Variants in RBMS3 observed in about 807,000 individuals in gnomAD.
RBMS3 encodes the protein RNA binding motif single stranded interacting protein 3.
RBMS3 carries 27 observed loss-of-function variants against 66.8 expected under a neutral mutation model. The ratio of observed to expected loss-of-function variants is 0.40; its 90% CI spans 0.30 to 0.56. RBMS3 has a LOEUF of 0.56. Ranked by LOEUF, RBMS3 falls within the 20% of genes least tolerant of loss-of-function variation. The pLI, the probability that RBMS3 is intolerant of heterozygous loss-of-function variation, is 0.40. For synonymous variants in RBMS3, 188 were observed against 183.0 expected (o/e 1.03, Z -0.22); for missense variants, 513 against 549.5 (o/e 0.93, Z 0.66).
At chr3:29,892,770 A>C (rs908559748) in intron 8 of RBMS3, among the ~76,000 whole-genome samples, 1 of 151,254 alleles carries the variant, frequency 6.6e-6, no homozygotes, top group African/African-American at 2.4e-5. Context: ...TCTGCCTAGA[A>C]AGTTCCCCAG....
intron 6 of RBMS3, among the ~76,000 whole-genome samples, chr3:29,858,934 G>C (rs1354899003): frequency 2.0e-5 from 3 of 152,110 alleles, no homozygotes; most frequent in Non-Finnish European, 4.4e-5. Flanking sequence ...GCTGTTCTCT[G>C]CTTTTATCGT....
intron 3 of RBMS3, among the ~76,000 whole-genome samples, chr3:29,517,623 C>G (rs2044696554): frequency 3.3e-5 from 5 of 152,058 alleles, no homozygotes; most frequent in Admixed American, 3.3e-4. Context: ...GCGCCCGGCC[C>G]TACATGATCT....
At chr3:29,348,170 G>A (rs2125552020) in intron 1 of RBMS3, among the ~76,000 whole-genome samples, 1 of 152,260 alleles carries the variant, frequency 6.6e-6, no homozygotes, top group Non-Finnish European at 1.5e-5. Flanking sequence ...ACTAAGTGTA[G>A]GGTCTCTTTA....
intron 3 of RBMS3, among the ~76,000 whole-genome samples, chr3:29,546,239 G>T (rs2045944686): frequency 6.6e-6 from 1 of 151,802 alleles, no homozygotes; most frequent in South Asian, 2.1e-4. Flanking sequence ...ACCCTACAAG[G>T]TGCATTTGCT....
chr3:29,487,683 T>C (rs2043373913), intron 2 of RBMS3, among the ~76,000 whole-genome samples: 1 of 152,186 alleles, frequency 6.6e-6, no homozygotes, highest in Non-Finnish European at 1.5e-5. Flanking sequence ...AAACCCCATT[T>C]TACCTTCACA....
intron 1 of RBMS3, among the ~76,000 whole-genome samples, chr3:29,328,123 C>T (rs1237152778): frequency 2.0e-5 from 3 of 152,158 alleles, no homozygotes; most frequent in Non-Finnish European, 4.4e-5. Flanking sequence ...AGTTCACTTC[C>T]TTCAACTGTT....
chr3:29,313,890 G>A (rs933274617), intron 1 of RBMS3, among the ~76,000 whole-genome samples: 12 of 151,606 alleles, frequency 7.9e-5, no homozygotes, highest in African/African-American at 1.9e-4. Flanking sequence ...GTTGACTTTC[G>A]GCAAAAGGAA....
At chr3:29,593,107 A>G (rs968723689) in intron 4 of RBMS3, among the ~76,000 whole-genome samples, 7 of 152,120 alleles carry the variant, frequency 4.6e-5, no homozygotes, top group Non-Finnish European at 8.8e-5. Flanking sequence ...TGGCACATGT[A>G]TACATATGTA....
intron 1 of RBMS3, among the ~76,000 whole-genome samples, chr3:29,362,796 A>G (rs541906901): frequency 2.6e-5 from 4 of 152,224 alleles, no homozygotes; most frequent in African/African-American, 4.8e-5. Context: ...AATTTTGACT[A>G]TACTTGAGCT....
At chr3:29,821,455 A>G (rs1189363220) in intron 6 of RBMS3, among the ~76,000 whole-genome samples, 6 of 152,152 alleles carry the variant, frequency 3.9e-5, no homozygotes, top group Admixed American at 3.9e-4. Context: ...CTCCCAAAAC[A>G]AAGTGGGACA....
chr3:29,739,778 A>G lies in RBMS3; in HGVS notation c.458A>G (p.Glu153Gly). The G allele has an allele frequency of 1.2e-6, 2 of 1,613,208 alleles. No homozygotes were observed. Among genetic ancestry groups the G allele is most frequent in the Non-Finnish European group, 1.7e-6 (2 of 1,179,374 alleles). ...YISNLPISMD[E>G]QELENMLKPF... ...TCAAATCTCCCCATTTCTATGGATG[A>G]GCAGGAGCTTGAGAATATGCTGAAA... Residue 153 changes from glutamate (E) to glycine (G), a missense_variant, in exon 5 of 15, where the codon GAG (glutamate) becomes GGG (glycine). By Grantham distance (98) the Glu-to-Gly change is moderately conservative. Coordinates refer to ENST00000383767, the MANE Select transcript of RBMS3 (RefSeq NM_001003793.3).
At chr3:29,375,735 C>A (rs1396271541) in intron 1 of RBMS3, among the ~76,000 whole-genome samples, 2 of 152,136 alleles carry the variant, frequency 1.3e-5, no homozygotes, top group African/African-American at 4.8e-5. Context: ...GAAAAGGGAA[C>A]ACTTTTACAT....
chr3:29,886,492 A>C (rs2059874667), intron 8 of RBMS3, among the ~76,000 whole-genome samples: 1 of 151,864 alleles, frequency 6.6e-6, no homozygotes, highest in South Asian at 2.1e-4. Flanking sequence ...AGGATGACTT[A>C]GTTTATCAAG....
intron 8 of RBMS3, among the ~76,000 whole-genome samples, chr3:29,896,872 C>G (rs993545772): frequency 4.0e-5 from 6 of 151,552 alleles, no homozygotes; most frequent in Non-Finnish European, 8.9e-5. Context: ...ATTCCAACCT[C>G]GATACAAATT....
intron 3 of RBMS3, among the ~76,000 whole-genome samples, chr3:29,518,109 A>G (rs182840992): frequency 4.2e-4 from 64 of 152,276 alleles, no homozygotes; most frequent in Non-Finnish European, 7.9e-4. Flanking sequence ...CAGGGCATTC[A>G]TTCACATGCA....
chr3:29,610,958 G>A (rs1426002990), intron 4 of RBMS3, among the ~76,000 whole-genome samples: 3 of 151,904 alleles, frequency 2.0e-5, no homozygotes, highest in Non-Finnish European at 2.9e-5. Flanking sequence ...TTCTTATACA[G>A]TTAATGGGAT....
chr3:29,477,452 A>ATAAC (rs1484052864), intron 2 of RBMS3, among the ~76,000 whole-genome samples: 1 of 109,580 alleles, frequency 9.1e-6, no homozygotes, highest in Non-Finnish European at 1.8e-5. Context: ...GGTCAGGGAT[A>ATAAC]TAACAAACAA....
At chr3:29,812,972 A>C (rs1324383103) in intron 6 of RBMS3, among the ~76,000 whole-genome samples, 1 of 152,050 alleles carries the variant, frequency 6.6e-6, no homozygotes, top group African/African-American at 2.4e-5. Flanking sequence ...AATATTATAT[A>C]TTATATATTG....
intron 1 of RBMS3, among the ~76,000 whole-genome samples, chr3:29,333,842 C>T (rs1310678349): frequency 1.3e-5 from 2 of 152,074 alleles, no homozygotes; most frequent in Admixed American, 1.3e-4. Context: ...TTATAGGATA[C>T]CCTGAAAATC....
Sources: allele counts gnomAD v4.1 joint callset (sites outside exome capture counted in the v4.1 genomes callset), GRCh38; gene constraint gnomAD v4.1.1; transcripts MANE v1.5; gene names NCBI Gene and HGNC (gene_info 2026-07-23, HGNC 2026-07-21).